The following LRRC4C variants were observed in gnomAD, a reference collection of about 807,000 sequenced individuals.
LRRC4C encodes the protein leucine-rich repeat-containing protein 4C.
Under a neutral mutation model 33.6 loss-of-function variants are expected in LRRC4C, and 5 were observed. That is an observed-to-expected ratio of 0.15 (90% CI 0.08 to 0.31). The LOEUF (loss-of-function observed/expected upper bound fraction) is 0.31. LRRC4C is among the 10% of genes least tolerant of loss of function. The probability of loss-of-function intolerance (pLI) is 1.00; values close to 1 mark genes in which losing one functional copy is unlikely to be tolerated. For missense variants in LRRC4C, 560 were observed against 796.7 expected, an observed-to-expected ratio of 0.70 and a Z score of 3.58; for synonymous variants, 329 against 302.0, an observed-to-expected ratio of 1.09 and a Z score of -0.93.
At chr11:41,323,029 GAAAT>G (rs1222563519) in intron 1 of LRRC4C, among the ~76,000 whole-genome samples, 2 of 151,982 alleles carry the variant, frequency 1.3e-5, no homozygotes. Flanking sequence ...AGGAAGAAGA[GAAAT>G]AAAATAACAA....
intron 1 of LRRC4C, among the ~76,000 whole-genome samples, chr11:41,270,211 A>C (rs1299375984): frequency 6.6e-6 from 1 of 152,050 alleles, no homozygotes; most frequent in Non-Finnish European, 1.5e-5. Context: ...TCCTATCCAA[A>C]AATTTCCTTC....
intron 3 of LRRC4C, among the ~76,000 whole-genome samples, chr11:40,438,726 G>A (rs922887740): frequency 7.9e-5 from 12 of 151,888 alleles, no homozygotes; most frequent in Non-Finnish European, 1.2e-4. Context: ...CCTGATTGGG[G>A]GATATTCTGA....
At chr11:41,088,699 C>A (rs980155784) in intron 1 of LRRC4C, among the ~76,000 whole-genome samples, 3 of 151,944 alleles carry the variant, frequency 2.0e-5, no homozygotes, top group Non-Finnish European at 4.4e-5. Context: ...TAATTGATTC[C>A]TTATTTACCC....
At chr11:40,490,633 C>T (rs954236045) in intron 3 of LRRC4C, among the ~76,000 whole-genome samples, 10 of 152,186 alleles carry the variant, frequency 6.6e-5, no homozygotes, top group Non-Finnish European at 8.8e-5. Context: ...CTCACTGCAA[C>T]ATCTATGGAA....
intron 1 of LRRC4C, among the ~76,000 whole-genome samples, chr11:40,976,227 G>GATTCT (rs1446111011): frequency 2.0e-5 from 3 of 152,208 alleles, no homozygotes; most frequent in African/African-American, 7.2e-5. Context: ...TGGGGGAAAG[G>GATTCT]ATTCTAGGAT....
chr11:40,950,011 T>C (rs1264924232), intron 1 of LRRC4C, among the ~76,000 whole-genome samples: 1 of 145,580 alleles, frequency 6.9e-6, no homozygotes. Flanking sequence ...GAGGAAAATT[T>C]TCACCTCTCA....
intron 2 of LRRC4C, among the ~76,000 whole-genome samples, chr11:40,876,604 T>C (rs1227887837): frequency 6.6e-6 from 1 of 151,910 alleles, no homozygotes; most frequent in Non-Finnish European, 1.5e-5. Context: ...TGGTGACTGT[T>C]TTTCTAAAAG....
At chr11:40,154,738 C>T (rs1318241889) in intron 5 of LRRC4C, among the ~76,000 whole-genome samples, 1 of 152,126 alleles carries the variant, frequency 6.6e-6, no homozygotes, top group African/African-American at 2.4e-5. Flanking sequence ...ATGAGATAGA[C>T]AGCAACACAA....
At chr11:41,310,838 A>G (rs926619414) in intron 1 of LRRC4C, among the ~76,000 whole-genome samples, 3 of 152,216 alleles carry the variant, frequency 2.0e-5, no homozygotes, top group Non-Finnish European at 4.4e-5. Context: ...AATTTAAAAT[A>G]TAACTTCGTA....
At chr11:41,378,542 C>G (rs1030141832) in intron 1 of LRRC4C, among the ~76,000 whole-genome samples, 3 of 152,104 alleles carry the variant, frequency 2.0e-5, no homozygotes, top group Non-Finnish European at 4.4e-5. Context: ...GGAAACAGTT[C>G]TGGGAAATAT....
chr11:41,187,304 C>T (rs75038715), intron 1 of LRRC4C, among the ~76,000 whole-genome samples: 13 of 152,308 alleles, frequency 8.5e-5, no homozygotes, highest in Admixed American at 3.3e-4. Context: ...CAGGCATGCA[C>T]ACAAGTGTCT....
chr11:40,607,131 C>T (rs148286646), intron 3 of LRRC4C, among the ~76,000 whole-genome samples: 204 of 152,184 alleles, frequency 1.3e-3, no homozygotes, highest in East Asian at 6.8e-3. Context: ...AAAATGAAGG[C>T]GAAATACGAT....
intron 3 of LRRC4C, among the ~76,000 whole-genome samples, chr11:40,526,610 G>T (rs1428557568): frequency 2.0e-5 from 3 of 152,120 alleles, no homozygotes; most frequent in African/African-American, 7.2e-5. Context: ...GCTATTGGGA[G>T]CATAAGTTGG....
chr11:40,578,063 T>C (rs1397483906), intron 3 of LRRC4C, among the ~76,000 whole-genome samples: 1 of 149,890 alleles, frequency 6.7e-6, no homozygotes, highest in Admixed American at 6.7e-5. Flanking sequence ...CTCAATCTCC[T>C]GACCTTGTGA....
chr11:41,324,510 G>A (rs755593450), intron 1 of LRRC4C, among the ~76,000 whole-genome samples: 97 of 152,186 alleles, frequency 6.4e-4, no homozygotes, highest in African/African-American at 1.4e-3. Context: ...AGAAACATGG[G>A]TATTATAGTG....
intron 1 of LRRC4C, among the ~76,000 whole-genome samples, chr11:41,307,518 C>T (rs781078450): frequency 6.5e-4 from 99 of 152,244 alleles, no homozygotes; most frequent in Non-Finnish European, 1.0e-3. Flanking sequence ...ATGAATGGGC[C>T]CTTACTTACA....
At chr11:41,313,755 G>A (rs536048856) in intron 1 of LRRC4C, among the ~76,000 whole-genome samples, 9 of 152,204 alleles carry the variant, frequency 5.9e-5, no homozygotes, top group Non-Finnish European at 1.3e-4. Context: ...TGGTATATTT[G>A]TGATTTATTC....
chr11:41,130,000 TTAG>T (rs1942936423), intron 1 of LRRC4C, among the ~76,000 whole-genome samples: 1 of 151,902 alleles, frequency 6.6e-6, no homozygotes, highest in African/African-American at 2.4e-5. Context: ...CAGATTCTGT[TTAG>T]TTATTTACTG....
chr11:40,865,797 G>A (rs1954335625), intron 2 of LRRC4C, among the ~76,000 whole-genome samples: 2 of 151,794 alleles, frequency 1.3e-5, no homozygotes, highest in South Asian at 4.2e-4. Flanking sequence ...AAAATACAGA[G>A]TGCAAATAAA....
Sources: allele counts gnomAD v4.1 joint callset (sites outside exome capture counted in the v4.1 genomes callset), GRCh38; gene constraint gnomAD v4.1.1; transcripts MANE v1.5; gene names NCBI Gene and HGNC (gene_info 2026-07-23, HGNC 2026-07-21).